The following GDAP2 variants were observed in gnomAD, a reference collection of about 807,000 sequenced individuals.
GDAP2 encodes ganglioside induced differentiation associated protein 2, also known as ganglioside-induced differentiation-associated protein 2.
Under a neutral mutation model 67.0 loss-of-function variants are expected in GDAP2, and 51 were observed. That is an observed-to-expected ratio of 0.76 (90% CI 0.61 to 0.96). The LOEUF is 0.96. Among genes scored for constraint, GDAP2 ranks in the 40% least tolerant of loss-of-function variants. The pLI, the probability that GDAP2 is intolerant of heterozygous loss-of-function variation, is 0.00. For synonymous variants in GDAP2, 203 were observed against 207.3 expected (o/e 0.98, Z 0.18); for missense variants, 547 against 588.3 (o/e 0.93, Z 0.73).
chr1:117,868,587 C>T lies in GDAP2; in HGVS notation c.*1982G>A, dbSNP rs1292014737. On this transcript the variant is annotated 3_prime_UTR_variant, in exon 14 of 14. Coordinates refer to ENST00000369443, the MANE Select transcript of GDAP2 (RefSeq NM_017686.4). ...TTATCTCTACAGAAAATGGTTTGGG[C>T]CAGGTTCTTGAGGTAGCCAAGTTCC... is the stretch of plus-strand genomic sequence containing the variant. 2.6e-5 allele frequency: 4 copies of T among 152,034 alleles called. No individual in the cohort carries two copies. Among genetic ancestry groups the T allele is most frequent in the African/African-American group, 9.7e-5 (4 of 41,384 alleles). 9.4% of individuals were successfully genotyped at this position (152,034 alleles called of 1,614,324 possible).
intron 12 of GDAP2, among the ~76,000 whole-genome samples, chr1:117,880,150 A>G (rs970906398): frequency 6.6e-5 from 10 of 152,160 alleles, no homozygotes; most frequent in Non-Finnish European, 1.3e-4. Context: ...ACACCACTGC[A>G]CTCCAGTGTG....
intron 11 of GDAP2, among the ~76,000 whole-genome samples, chr1:117,882,248 TAA>T (rs1299314772): frequency 1.3e-5 from 2 of 152,118 alleles, no homozygotes; most frequent in Non-Finnish European, 2.9e-5. Flanking sequence ...AATTTTAAAC[TAA>T]AAGTTTCAAT....
intron 13 of GDAP2, chr1:117,877,293 C>G (rs1004129288): frequency 2.1e-6 from 2 of 957,150 alleles, no homozygotes; most frequent in African/African-American, 1.8e-5. Context: ...TCATTTCAAA[C>G]TTAATATAAC....
rs1647984271 is a variant in GDAP2, at chr1:117,864,080, A to G, written c.*6489T>C. On this transcript the variant is annotated 3_prime_UTR_variant, in exon 14 of 14. Coordinates refer to ENST00000369443, the MANE Select transcript of GDAP2 (RefSeq NM_017686.4). ...GCTTCTTAAACTGGGGTCCATGCAAAATCCTTGTGGAGTATATATGTGTTG... is the reference window on the plus strand; with the variant it reads ...GCTTCTTAAACTGGGGTCCATGCAAGATCCTTGTGGAGTATATATGTGTTG... 6.6e-6 allele frequency: 1 copy of G among 152,218 alleles called. No individual in the cohort carries two copies. The highest frequency in any genetic ancestry group is 2.1e-4 in the South Asian group (1 of 4,830). The allele number at this position is 152,218 out of a possible 1,614,324, so 9.4% of individuals were successfully genotyped here.
intron 13 of GDAP2, among the ~76,000 whole-genome samples, chr1:117,875,370 T>C (rs1236150899): frequency 2.0e-5 from 3 of 152,134 alleles, no homozygotes; most frequent in Non-Finnish European, 2.9e-5. Context: ...GTGGCTTCCA[T>C]GTGGTGTTAA....
In GDAP2 at chr1:117,897,081, A is replaced by G. The variant is rs775879506; in HGVS notation, c.797-92T>C. ...CTGCAGTAAGGATGACAGTGAGGTAACTCAAAAAACTGGGGTCAAGGTTAT... is the reference window on the plus strand; with the variant it reads ...CTGCAGTAAGGATGACAGTGAGGTAGCTCAAAAAACTGGGGTCAAGGTTAT... On this transcript the variant is annotated intron_variant, in intron 7 of 13. Transcript: ENST00000369443. 6.8e-5 allele frequency: 54 copies of G among 799,640 alleles called. 1 individual carries two copies. The highest frequency in any genetic ancestry group is 1.0e-4 in the Non-Finnish European group (54 of 524,250). 49.5% of individuals were successfully genotyped at this position (799,640 alleles called of 1,614,324 possible).
chr1:117,922,467 G>A (rs1038500758), intron 1 of GDAP2, among the ~76,000 whole-genome samples: 2 of 152,182 alleles, frequency 1.3e-5, no homozygotes, highest in Non-Finnish European at 2.9e-5. Context: ...AATATCAAGG[G>A]AACATGCCCC....
intron 10 of GDAP2, among the ~76,000 whole-genome samples, chr1:117,884,813 C>CGTGTGTGTGTGTGTGTGTGTGT (rs35296112): frequency 6.8e-6 from 1 of 147,862 alleles, no homozygotes; most frequent in African/African-American, 2.5e-5. Context: ...TTATTCCCTC[C>CGTGTGTGTGTGTGTGTGTGTGT]GTGTGTGTGT....
chr1:117,900,618 T>C (rs1257004625), intron 6 of GDAP2, among the ~76,000 whole-genome samples: 1 of 151,758 alleles, frequency 6.6e-6, no homozygotes, highest in Non-Finnish European at 1.5e-5. Context: ...TATAAAAAAT[T>C]ACCCAGGCGT....
chr1:117,879,847 G>A (rs1648590447), intron 12 of GDAP2, among the ~76,000 whole-genome samples: 1 of 152,028 alleles, frequency 6.6e-6, no homozygotes, highest in African/African-American at 2.4e-5. Context: ...AATTAAAGAT[G>A]AGGGTGGAGA....
In GDAP2 at chr1:117,863,968, C is replaced by G. The variant is rs1329080927; in HGVS notation, c.*6601G>C. 2 of 152,140 alleles carry G rather than the reference C, an allele frequency of 1.3e-5. No homozygotes were observed. The highest frequency in any genetic ancestry group is 2.1e-4 in the South Asian group (1 of 4,832). 9.4% of individuals were successfully genotyped at this position (152,140 alleles called of 1,614,324 possible). On this transcript the variant is annotated 3_prime_UTR_variant, in exon 14 of 14. Transcript: ENST00000369443. ...TATCCCTGTTGAATACACAAAAACACTGAGGTTCAGAAAAAGTTGAGAAAC... is the reference window on the plus strand; with the variant it reads ...TATCCCTGTTGAATACACAAAAACAGTGAGGTTCAGAAAAAGTTGAGAAAC...
chr1:117,924,627 A>G lies in GDAP2; in HGVS notation c.-67-4203T>C, dbSNP rs1650379599. Among the ~76,000 whole-genome samples the G allele has an allele frequency of 2.0e-5, 3 of 152,246 alleles. No individual in the cohort carries two copies. The South Asian group carries it at 6.2e-4, about 32-fold the overall frequency. ...GTGAAATATGCTAATTCCTAAATCA[A>G]CACTGCGGAACAGGAAATGTGATCA... On this transcript the variant is annotated intron_variant, in intron 1 of 13. Coordinates refer to ENST00000369443, the MANE Select transcript of GDAP2 (RefSeq NM_017686.4).
intron 1 of GDAP2, among the ~76,000 whole-genome samples, 171 bp from the exon 2 acceptor site, chr1:117,920,595 T>C (rs112952917): frequency 6.6e-6 from 1 of 152,218 alleles, no homozygotes; most frequent in African/African-American, 2.4e-5. Flanking sequence ...TGCTACAGAA[T>C]TTCTAAAACA....
At chr1:117,889,519 C>T (rs1648993288) in intron 8 of GDAP2, among the ~76,000 whole-genome samples, 1 of 151,880 alleles carries the variant, frequency 6.6e-6, no homozygotes, top group Admixed American at 6.6e-5. Context: ...CTCTGTTTTT[C>T]TGAGTTCAGT....
chr1:117,885,095 C>A (rs978101923), intron 10 of GDAP2, among the ~76,000 whole-genome samples: 1 of 152,006 alleles, frequency 6.6e-6, no homozygotes, highest in African/African-American at 2.4e-5. Flanking sequence ...TGGGCTCAAG[C>A]GATCTGCCTG....
In GDAP2 at chr1:117,920,299, C is replaced by T. The variant is rs1650201069; in HGVS notation, c.59G>A (p.Gly20Asp). 6.2e-7 allele frequency: 1 copy of T among 1,609,836 alleles called. No individual in the cohort carries two copies. Among genetic ancestry groups the T allele is most frequent in the Non-Finnish European group, 8.5e-7 (1 of 1,176,684 alleles). ...FVDVDTLPSW[G>D]DSCQDELNSS... ...ATTTAATTCATCTTGGCATGAGTCA[C>T]CCCAGCTTGGTAGTGTATCCACATC... The change falls in exon 2 of 14, where the codon GGT becomes GAT. Residue 20 changes from glycine to aspartate, a missense_variant. Transcript: ENST00000369443.
chr1:117,869,911 G>A lies in GDAP2; in HGVS notation c.*658C>T, dbSNP rs1648197383. 2 of 152,322 alleles carry A rather than the reference G, an allele frequency of 1.3e-5. No individual in the cohort carries two copies. Among genetic ancestry groups the A allele is most frequent in the Admixed American group, 6.5e-5 (1 of 15,286 alleles). The allele number at this position is 152,322 out of a possible 1,614,324, so 9.4% of individuals were successfully genotyped here. ...CAGTCTTCTTGTTTCACCCCACACT[G>A]TTGAGATCGGAACTGTGGCAATCTT... is the stretch of plus-strand genomic sequence containing the variant. On this transcript the variant is annotated 3_prime_UTR_variant, in exon 14 of 14. Coordinates refer to ENST00000369443, the MANE Select transcript of GDAP2 (RefSeq NM_017686.4).
At chr1:117,923,929 T>G (rs2101172185) in intron 1 of GDAP2, among the ~76,000 whole-genome samples, 2 of 152,348 alleles carry the variant, frequency 1.3e-5, no homozygotes, top group South Asian at 4.1e-4. Context: ...AACCTTTCCT[T>G]TTCTGTAAAA....
Position 117,870,377 on chromosome 1 carries a change from G to A in GDAP2, c.*192C>T, listed in dbSNP as rs922742164. The A allele has an allele frequency of 2.3e-5, 13 of 564,360 alleles. No individual in the cohort carries two copies. The highest frequency in any genetic ancestry group is 3.9e-5 in the African/African-American group (2 of 51,830). 35.0% of individuals were successfully genotyped at this position (564,360 alleles called of 1,614,324 possible). On this transcript the variant is annotated 3_prime_UTR_variant, in exon 14 of 14. Coordinates refer to ENST00000369443, the MANE Select transcript of GDAP2 (RefSeq NM_017686.4). Reference sequence around the variant, plus strand: ...ATAAATATACAAATTTAAAATGTGTGCAGTTCAGAATGGCCTACCATTTTT... The same window carrying A: ...ATAAATATACAAATTTAAAATGTGTACAGTTCAGAATGGCCTACCATTTTT...
Sources: gnomAD v4.1 joint callset for allele counts (sites outside exome capture counted in the v4.1 genomes callset) on GRCh38, gnomAD v4.1.1 for gene constraint, MANE v1.5 for transcripts, NCBI Gene and HGNC (gene_info 2026-07-23, HGNC 2026-07-21) for gene names.